Variants in TSPAN15 observed in about 807,000 individuals in gnomAD.
TSPAN15 encodes the protein tetraspanin 15, also known as tetraspanin-15.
TSPAN15 carries 20 observed loss-of-function variants against 34.5 expected under a neutral mutation model. That is an observed-to-expected ratio of 0.58 (90% CI 0.41 to 0.84). The LOEUF is 0.84. TSPAN15 is among the 40% of genes least tolerant of loss of function. TSPAN15 has a pLI of 0.00. For missense variants in TSPAN15, 313 were observed against 386.1 expected (o/e 0.81, Z 1.59); for synonymous variants, 155 against 153.9 (o/e 1.01, Z -0.05).
At chr10:69,456,699 A>T (rs57805780) in intron 1 of TSPAN15, among the ~76,000 whole-genome samples, 21 of 152,232 alleles carry the variant, frequency 1.4e-4, no homozygotes, top group African/African-American at 4.8e-4. Flanking sequence ...TAGGTTGGCA[A>T]GTGCTTGAGG....
intron 6 of TSPAN15, 147 bp from the exon 7 acceptor site, chr10:69,505,977 G>T: frequency 1.6e-6 from 1 of 631,266 alleles, no homozygotes. Context: ...TCAGAATCTA[G>T]GGTCACCTTC....
intron 2 of TSPAN15, chr10:69,484,139 A>C: frequency 2.6e-6 from 1 of 384,416 alleles, no homozygotes; most frequent in Non-Finnish European, 4.7e-6. Flanking sequence ...GAAAAACCAC[A>C]CTCAAATGAG....
downstream of TSPAN15, among the ~76,000 whole-genome samples, chr10:69,509,926 C>G (rs185002075): frequency 6.6e-6 from 1 of 152,210 alleles, no homozygotes; most frequent in African/African-American, 2.4e-5. Flanking sequence ...CTGTTCTGTT[C>G]TATTGGTCTA....
chr10:69,485,612 G>A (rs1408800204), intron 3 of TSPAN15, among the ~76,000 whole-genome samples: 1 of 152,148 alleles, frequency 6.6e-6, no homozygotes, highest in African/African-American at 2.4e-5. Context: ...GTCCTTGTAG[G>A]CCATGAGTTG....
chr10:69,457,984 A>C (rs1841151214), intron 1 of TSPAN15, among the ~76,000 whole-genome samples: 1 of 152,196 alleles, frequency 6.6e-6, no homozygotes, highest in African/African-American at 2.4e-5. Context: ...CAGCCTTTTA[A>C]ATTTACCGAT....
At chr10:69,541,462 G>A in the TSPAN15 span, among the ~76,000 whole-genome samples, 8 of 152,312 alleles carry the variant, frequency 5.3e-5, no homozygotes, top group South Asian at 2.1e-4. Context: ...ATGCAAGTCC[G>A]AAATCCCATA....
At chr10:69,473,819 A>G (rs1325946131) in intron 1 of TSPAN15, among the ~76,000 whole-genome samples, 1 of 152,220 alleles carries the variant, frequency 6.6e-6, no homozygotes, top group Admixed American at 6.5e-5. Flanking sequence ...TGCACGTTCC[A>G]GACACTTGAG....
rs139956730 is a variant in TSPAN15, at chr10:69,496,182, A to C, written c.453+493A>C. Among the ~76,000 whole-genome samples the C allele has an allele frequency of 2.3e-3, 344 of 152,166 alleles. 1 individual carries two copies. Among genetic ancestry groups the C allele is most frequent in the African/African-American group, 7.6e-3 (316 of 41,508 alleles). ...CCTGATTGGGAGAAAGTTCTTCACT[A>C]ATTTCAGTTTCCCCCAAATATGGGA... On this transcript the variant is annotated intron_variant, in intron 4 of 7. Transcript: ENST00000373290.
At chr10:69,500,108 C>T (rs1408409732) in intron 5 of TSPAN15, among the ~76,000 whole-genome samples, 1 of 152,104 alleles carries the variant, frequency 6.6e-6, no homozygotes, top group Admixed American at 6.6e-5. Context: ...GGCTGATATG[C>T]AGTGATCCAG....
At chr10:69,514,467 G>A in the TSPAN15 span, among the ~76,000 whole-genome samples, 2 of 152,186 alleles carry the variant, frequency 1.3e-5, no homozygotes, top group Non-Finnish European at 2.9e-5. Flanking sequence ...AAATTCACTA[G>A]TGAAGCTACC....
chr10:69,546,778 G>A, the TSPAN15 span, among the ~76,000 whole-genome samples: 1 of 152,040 alleles, frequency 6.6e-6, no homozygotes, highest in Non-Finnish European at 1.5e-5. Context: ...CCTAACAAAT[G>A]TCACTGCTCA....
chr10:69,455,590 C>CTTTCTTTCTT (rs1554830553), intron 1 of TSPAN15, among the ~76,000 whole-genome samples: 2 of 106,762 alleles, frequency 1.9e-5, no homozygotes, highest in Non-Finnish European at 4.1e-5. Context: ...TTCTTTCTTT[C>CTTTCTTTCTT]TCTTTCTTTC....
intron 1 of TSPAN15, among the ~76,000 whole-genome samples, chr10:69,481,253 G>A (rs1841728277): frequency 6.6e-6 from 1 of 152,228 alleles, no homozygotes; most frequent in Admixed American, 6.5e-5. Flanking sequence ...TGATGGCTGA[G>A]CTTGTCAGTG....
chr10:69,524,834 G>A, the TSPAN15 span, among the ~76,000 whole-genome samples: 2 of 145,432 alleles, frequency 1.4e-5, no homozygotes, highest in African/African-American at 5.0e-5. Flanking sequence ...AGGTTGGGGT[G>A]CAATGGTGCA....
the TSPAN15 span, among the ~76,000 whole-genome samples, chr10:69,543,658 G>GC: frequency 5.2e-3 from 785 of 152,300 alleles, 9 homozygotes; most frequent in South Asian, 0.024. Context: ...TAGCTTCACA[G>GC]CGCTGGGCCC....
chr10:69,533,398 A>C, the TSPAN15 span, among the ~76,000 whole-genome samples: 1 of 152,238 alleles, frequency 6.6e-6, no homozygotes, highest in Non-Finnish European at 1.5e-5. Flanking sequence ...TATTATTCTA[A>C]GTGAAGTAAC....
intron 1 of TSPAN15, among the ~76,000 whole-genome samples, chr10:69,482,615 C>A (rs1212458758): frequency 6.6e-6 from 1 of 152,166 alleles, no homozygotes; most frequent in Admixed American, 6.5e-5. Context: ...TGTAGTGTTT[C>A]CACATTCATT....
the TSPAN15 span, among the ~76,000 whole-genome samples, chr10:69,532,247 T>C: frequency 6.6e-6 from 1 of 151,940 alleles, no homozygotes; most frequent in African/African-American, 2.4e-5. Flanking sequence ...AAAGAACATA[T>C]CTGGAGGCAT....
intron 1 of TSPAN15, among the ~76,000 whole-genome samples, chr10:69,457,822 C>A (rs1404217635): frequency 1.3e-5 from 2 of 152,208 alleles, no homozygotes; most frequent in Non-Finnish European, 2.9e-5. Context: ...TGGATTAATA[C>A]ATCTGAAGAG....
Sources: allele counts gnomAD v4.1 joint callset (sites outside exome capture counted in the v4.1 genomes callset), GRCh38; gene constraint gnomAD v4.1.1; transcripts MANE v1.5; gene names NCBI Gene and HGNC (gene_info 2026-07-23, HGNC 2026-07-21).